EEFSEC: variants seen among roughly 807,000 people sequenced by gnomAD.
EEFSEC encodes eukaryotic elongation factor, selenocysteine-tRNA specific.
Under a neutral mutation model 42.1 loss-of-function variants are expected in EEFSEC, and 43 were observed. The observed-to-expected ratio is 1.02, with a 90% CI of 0.80 to 1.32. EEFSEC has a LOEUF of 1.32. Among genes scored for constraint, EEFSEC ranks in the 40% most tolerant of loss-of-function variants. The pLI is 0.00. For missense variants in EEFSEC, 745 were observed against 803.6 expected (o/e 0.93, Z 0.88); for synonymous variants, 354 against 339.1 (o/e 1.04, Z -0.48).
intron 1 of EEFSEC, among the ~76,000 whole-genome samples, chr3:128,200,302 T>C (rs773154283): frequency 2.0e-5 from 3 of 152,144 alleles, no homozygotes; most frequent in Non-Finnish European, 4.4e-5. Flanking sequence ...TCTCTTTTTT[T>C]TTTGAGATGG....
At chr3:128,237,636 G>T (rs1054794143) in intron 1 of EEFSEC, among the ~76,000 whole-genome samples, 1 of 152,212 alleles carries the variant, frequency 6.6e-6, no homozygotes, top group Non-Finnish European at 1.5e-5. Flanking sequence ...GTTTTGCCAT[G>T]AGTCTCTAGC....
chr3:128,252,974 C>T (rs1317245138), intron 2 of EEFSEC, among the ~76,000 whole-genome samples: 2 of 152,268 alleles, frequency 1.3e-5, no homozygotes, highest in African/African-American at 4.8e-5. Context: ...GACACCAATC[C>T]AGTGGCTGCT....
At position 128,370,604 on chromosome 3, in the gene EEFSEC, C is replaced by T. The variant is rs193000206; in HGVS notation, c.1600+12231C>T. Among the ~76,000 whole-genome samples, 6 of 152,328 alleles carry T rather than the reference C, an allele frequency of 3.9e-5. No homozygotes were observed. In the East Asian group the frequency reaches 9.6e-4, roughly 24 times the overall value. On this transcript the variant is annotated intron_variant, in intron 6 of 6. Transcript: ENST00000254730. ...GGAGGGAGGAGAGGAGCTGCTACTTCCCCCAAAGCCTTCTCTTTCTCCCTC... is the reference window on the plus strand; with the variant it reads ...GGAGGGAGGAGAGGAGCTGCTACTTTCCCCAAAGCCTTCTCTTTCTCCCTC...
chr3:128,154,207 T>A, intron 1 of EEFSEC, among the ~76,000 whole-genome samples: 1 of 152,192 alleles, frequency 6.6e-6, no homozygotes, highest in East Asian at 1.9e-4. Context: ...TCATTTGGTC[T>A]GATTCCCGTT....
chr3:128,221,163 C>G (rs1359449080), intron 1 of EEFSEC, among the ~76,000 whole-genome samples: 1 of 152,106 alleles, frequency 6.6e-6, no homozygotes, highest in Non-Finnish European at 1.5e-5. Context: ...CTGCTGGAAG[C>G]CTTGTGTCCC....
At chr3:128,154,982 A>G (rs779808409) in intron 1 of EEFSEC, among the ~76,000 whole-genome samples, 1 of 152,336 alleles carries the variant, frequency 6.6e-6, no homozygotes, top group Non-Finnish European at 1.5e-5. Flanking sequence ...TATACATGTA[A>G]TACATGAATA....
intron 1 of EEFSEC, among the ~76,000 whole-genome samples, chr3:128,194,980 C>G (rs930060670): frequency 6.6e-6 from 1 of 152,150 alleles, no homozygotes; most frequent in African/African-American, 2.4e-5. Flanking sequence ...AGTTACCCTC[C>G]TCCCTCCTCG....
rs571170891 is a variant in EEFSEC at position 128,352,575 on chromosome 3, G to A, written c.1444-5642G>A. Among the ~76,000 whole-genome samples the A allele has an allele frequency of 8.0e-4, 122 of 152,312 alleles. 3 individuals carry two copies. The South Asian group carries it at 0.025, about 31-fold the overall frequency. On this transcript the variant is annotated intron_variant, in intron 5 of 6. Coordinates refer to ENST00000254730, the MANE Select transcript of EEFSEC (RefSeq NM_021937.5). ...CTGAGGCCGGCAGTCTCTTAGAGGG[G>A]GCCTTCCATTAGTCAGCGATGTCTT...
chr3:128,401,505 G>A (rs976242391), intron 6 of EEFSEC, among the ~76,000 whole-genome samples: 10 of 152,230 alleles, frequency 6.6e-5, no homozygotes, highest in Admixed American at 3.3e-4. Context: ...CTGGGCAGCT[G>A]AGGGGCACCT....
intron 4 of EEFSEC, among the ~76,000 whole-genome samples, chr3:128,278,163 T>G (rs2066488381): frequency 6.6e-6 from 1 of 152,026 alleles, no homozygotes; most frequent in East Asian, 1.9e-4. Flanking sequence ...GACAGATGGT[T>G]TGGAGAACAG....
At chr3:128,408,911 GGA>G (rs2068154014), downstream of EEFSEC, among the ~76,000 whole-genome samples, 1 of 152,184 alleles carries the variant, frequency 6.6e-6, no homozygotes, top group African/African-American at 2.4e-5. Flanking sequence ...GGGAAGTTGG[GGA>G]ATAGCAGGGT....
chr3:128,345,318 A>T (rs2067300222), intron 5 of EEFSEC, among the ~76,000 whole-genome samples: 1 of 152,160 alleles, frequency 6.6e-6, no homozygotes, highest in Non-Finnish European at 1.5e-5. Context: ...CTGGGACTCC[A>T]TTATTTCTCT....
chr3:128,313,275 G>A (rs1380008219), intron 4 of EEFSEC, among the ~76,000 whole-genome samples: 1 of 152,238 alleles, frequency 6.6e-6, no homozygotes, highest in African/African-American at 2.4e-5. Context: ...GCAGTTGTCT[G>A]GGTAACCATT....
intron 1 of EEFSEC, among the ~76,000 whole-genome samples, chr3:128,197,736 A>G (rs978296152): frequency 2.0e-5 from 3 of 152,120 alleles, no homozygotes; most frequent in Non-Finnish European, 4.4e-5. Flanking sequence ...GGGTAGCAAC[A>G]ATCTGATTCT....
Position 128,153,759 on chromosome 3 carries a change from A to G in EEFSEC, c.252A>G (p.Pro84=), listed in dbSNP as rs11719546. 0.12 allele frequency: 189,067 copies of G among 1,543,182 alleles called. 12,740 individuals are homozygous for G. The highest frequency in any genetic ancestry group is 0.23 in the African/African-American group (16,137 of 71,014). The change falls in exon 1 of 7, where the codon CCA becomes CCG. Residue 84 remains proline, a synonymous_variant. Transcript: ENST00000254730. Reference sequence around the variant, plus strand: ...AGGCCGAGCCCGAGCCCGGCGAGCCACTGCTTCAGGTCACGCTGGTCGACT... The same window carrying G: ...AGGCCGAGCCCGAGCCCGGCGAGCCGCTGCTTCAGGTCACGCTGGTCGACT... The part of the protein sequence containing the change: ...APEAEPEPGE[P]LLQVTLVDCP...
Position 128,408,242 on chromosome 3 carries a change from A to C in EEFSEC, c.1774A>C (p.Met592Leu). The C allele has an allele frequency of 3.1e-6, 5 of 1,603,056 alleles. No individual in the cohort carries two copies. Among genetic ancestry groups the C allele is most frequent in the Non-Finnish European group, 4.3e-6 (5 of 1,174,010 alleles). Residue 592 changes from methionine to leucine, a missense_variant, in exon 7 of 7, where the codon ATG becomes CTG. Met to Leu is a conservative substitution (Grantham distance 15, BLOSUM62 2). Coordinates refer to ENST00000254730, the MANE Select transcript of EEFSEC (RefSeq NM_021937.5). ...KRYVFDTHKR[M>L]VQSP ...TTATGTCTTCGACACCCACAAGCGC[A>C]TGGTTCAGTCTCCCTGAGTGTCCGG...
chr3:128,413,817 G>A, the EEFSEC span, among the ~76,000 whole-genome samples: 12 of 152,302 alleles, frequency 7.9e-5, no homozygotes, highest in South Asian at 8.3e-4. Context: ...ACCACCTGGC[G>A]GGCCCCAGCA....
intron 4 of EEFSEC, among the ~76,000 whole-genome samples, chr3:128,282,484 T>TC (rs1195403188): frequency 9.9e-5 from 15 of 152,214 alleles, no homozygotes; most frequent in Admixed American, 9.2e-4. Context: ...GTAGAATTGT[T>TC]CCAGCGCAAT....
chr3:128,183,681 C>T (rs2065435029), intron 1 of EEFSEC, among the ~76,000 whole-genome samples: 1 of 152,168 alleles, frequency 6.6e-6, no homozygotes, highest in South Asian at 2.1e-4. Flanking sequence ...GTGCAGGGCA[C>T]CCTACATACT....
Sources: gnomAD v4.1 joint callset for allele counts (sites outside exome capture counted in the v4.1 genomes callset) on GRCh38, gnomAD v4.1.1 for gene constraint, MANE v1.5 for transcripts, NCBI Gene and HGNC (gene_info 2026-07-23, HGNC 2026-07-21) for gene names.